The following TMEM260 variants were observed in gnomAD, a reference collection of about 807,000 sequenced individuals.
The protein encoded by TMEM260 is protein O-mannosyl-transferase TMEM260.
Under a neutral mutation model 88.9 loss-of-function variants are expected in TMEM260, and 82 were observed. That is an observed-to-expected ratio of 0.92 (90% confidence interval 0.77 to 1.11). The LOEUF is 1.11. Ranked by LOEUF, TMEM260 falls within the 50% of genes least tolerant of loss-of-function variation. TMEM260 has a pLI of 0.00. For synonymous variants in TMEM260, 314 were observed against 309.3 expected (o/e 1.02, Z -0.16); for missense variants, 902 against 853.4 (o/e 1.06, Z -0.71).
At chr14:56,607,667 T>C (rs1886996942) in intron 5 of TMEM260, among the ~76,000 whole-genome samples, 1 of 152,194 alleles carries the variant, frequency 6.6e-6, no homozygotes, top group African/African-American at 2.4e-5. Context: ...TAGGTACATA[T>C]GTATATATCT....
rs1007247474 is a variant in TMEM260, at chr14:56,620,552, A to AT, written c.1227-971dup. Reference sequence around the variant, plus strand: ...GGCTAGGTGTTTTTATCTTGTTTTGATTTTTTTTATTTGTCCCAGGGGAAT... The same window carrying AT: ...GGCTAGGTGTTTTTATCTTGTTTTGATTTTTTTTTATTTGTCCCAGGGGAAT... On this transcript the variant is annotated intron_variant, in intron 10 of 15. Transcript: ENST00000261556. Among the ~76,000 whole-genome samples the AT allele has an allele frequency of 7.9e-5, 12 of 152,138 alleles. No individual in the cohort carries two copies. The East Asian group carries it at 1.6e-3, about 20-fold the overall frequency.
the TMEM260 span, among the ~76,000 whole-genome samples, chr14:56,659,729 CA>C: frequency 1.3e-5 from 2 of 152,256 alleles, no homozygotes; most frequent in African/African-American, 4.8e-5. Context: ...GGAGGCGAAG[CA>C]CCCTTAATAC....
At chr14:56,641,550 A>G (rs993668252) in intron 15 of TMEM260, among the ~76,000 whole-genome samples, 2 of 152,246 alleles carry the variant, frequency 1.3e-5, no homozygotes, top group African/African-American at 2.4e-5. Context: ...AGTACCAGCC[A>G]CTGCAAAAAC....
chr14:56,606,196 ATTTC>A (rs1886890462), intron 5 of TMEM260, among the ~76,000 whole-genome samples: 2 of 152,154 alleles, frequency 1.3e-5, no homozygotes, highest in South Asian at 4.1e-4. Flanking sequence ...ATTTATTGTT[ATTTC>A]TTCTTTCTCT....
intron 8 of TMEM260, 46 bp downstream of exon 8, chr14:56,616,073 A>G (rs565824646): frequency 7.2e-7 from 1 of 1,385,752 alleles, no homozygotes; most frequent in Admixed American, 1.7e-5. Flanking sequence ...ATGTTCATGA[A>G]TTGAATTAAT....
intron 3 of TMEM260, among the ~76,000 whole-genome samples, chr14:56,589,552 T>C (rs994989311): frequency 2.6e-5 from 4 of 152,258 alleles, no homozygotes; most frequent in Admixed American, 2.0e-4. Flanking sequence ...ATCATTAATA[T>C]TGTGCAGTAA....
At chr14:56,588,728 C>G (rs1885669693) in intron 3 of TMEM260, among the ~76,000 whole-genome samples, 1 of 151,512 alleles carries the variant, frequency 6.6e-6, no homozygotes, top group African/African-American at 2.4e-5. Context: ...GTATTGTCCC[C>G]TTAAGGAGTA....
At chr14:56,660,559 T>C in the TMEM260 span, among the ~76,000 whole-genome samples, 1 of 152,196 alleles carries the variant, frequency 6.6e-6, no homozygotes, top group South Asian at 2.1e-4. Context: ...GAAGGAGAAT[T>C]AGAAGGCTTA....
chr14:56,582,154 A>G (rs1885178117), intron 1 of TMEM260, among the ~76,000 whole-genome samples: 1 of 152,226 alleles, frequency 6.6e-6, no homozygotes, highest in African/African-American at 2.4e-5. Context: ...TGAATGCACT[A>G]TTCTTGAATG....
intron 15 of TMEM260, among the ~76,000 whole-genome samples, chr14:56,637,473 A>T (rs1030647411): frequency 5.3e-5 from 8 of 152,212 alleles, no homozygotes; most frequent in African/African-American, 1.9e-4. Flanking sequence ...GTGGGAGCAG[A>T]TACAAGAGGC....
chr14:56,633,323 AAG>A (rs1384718316), intron 13 of TMEM260, 152 bp downstream of exon 13: 3 of 589,270 alleles, frequency 5.1e-6, no homozygotes, highest in Non-Finnish European at 8.5e-6. Context: ...AAACAACAGA[AAG>A]AGAACATGTC....
chr14:56,581,026 G>C (rs1245539173), intron 1 of TMEM260, among the ~76,000 whole-genome samples: 3 of 152,180 alleles, frequency 2.0e-5, no homozygotes, highest in Non-Finnish European at 4.4e-5. Context: ...TTGCTGTCAT[G>C]GTGTGCGATG....
chr14:56,580,096 C>T lies in TMEM260; in HGVS notation c.160+22C>T, dbSNP rs1488619161. 7 of 1,248,618 alleles carry T rather than the reference C, an allele frequency of 5.6e-6. No individual in the cohort carries two copies. The African/African-American group carries it at 9.3e-5, about 17-fold the overall frequency. 77.3% of individuals were successfully genotyped at this position (1,248,618 alleles called of 1,614,324 possible). ...TCCGGTAAAGTACTCGCAGGGTTGC[C>T]CCTTCTGTCCCTCTCCCCTGGTCCC... On this transcript the variant is annotated intron_variant, in intron 1 of 15. Coordinates refer to ENST00000261556, the MANE Select transcript of TMEM260 (RefSeq NM_017799.4).
chr14:56,641,031 A>C (rs770801645), intron 15 of TMEM260, among the ~76,000 whole-genome samples: 2 of 152,158 alleles, frequency 1.3e-5, no homozygotes, highest in African/African-American at 4.8e-5. Flanking sequence ...GACCAAATCT[A>C]TGTCTGATTG....
intron 11 of TMEM260, among the ~76,000 whole-genome samples, chr14:56,623,890 A>G (rs1285143907): frequency 6.6e-6 from 1 of 152,198 alleles, no homozygotes; most frequent in Non-Finnish European, 1.5e-5. Context: ...TCCGAACATA[A>G]CAAAGCTTTG....
At chr14:56,591,859 G>A (rs977003143) in intron 3 of TMEM260, among the ~76,000 whole-genome samples, 1 of 152,094 alleles carries the variant, frequency 6.6e-6, no homozygotes, top group Non-Finnish European at 1.5e-5. Context: ...ATAATAAAAT[G>A]AATTGTTTTA....
intron 1 of TMEM260, among the ~76,000 whole-genome samples, chr14:56,582,934 A>G (rs1180668062): frequency 7.7e-6 from 1 of 130,232 alleles, no homozygotes; most frequent in East Asian, 2.6e-4. Context: ...CACATTCCAG[A>G]TTTATCTTTA....
At chr14:56,606,041 G>A (rs929517491) in intron 5 of TMEM260, among the ~76,000 whole-genome samples, 2 of 152,172 alleles carry the variant, frequency 1.3e-5, no homozygotes, top group Non-Finnish European at 2.9e-5. Context: ...TGTGTGCCGA[G>A]TCCTTGCCCT....
rs988810339 is a variant in TMEM260, at chr14:56,579,831, G to A, written c.-84G>A. ...AGCCGCCGTGGCCGCCGCACAAGCT[G>A]CGCTCGTCTCTCGGCTGGGGAGCTC... On this transcript the variant is annotated 5_prime_UTR_variant, in exon 1 of 16. Coordinates refer to ENST00000261556, the MANE Select transcript of TMEM260 (RefSeq NM_017799.4). 53 of 1,191,684 alleles carry A rather than the reference G, an allele frequency of 4.4e-5. No homozygotes were observed. Among genetic ancestry groups the A allele is most frequent in the East Asian group, 6.4e-5 (2 of 31,442 alleles). 73.8% of individuals were successfully genotyped at this position (1,191,684 alleles called of 1,614,324 possible).
Sources: gnomAD v4.1 joint callset for allele counts (sites outside exome capture counted in the v4.1 genomes callset) on GRCh38, gnomAD v4.1.1 for gene constraint, MANE v1.5 for transcripts, NCBI Gene and HGNC (gene_info 2026-07-23, HGNC 2026-07-21) for gene names.